Variants in MOB3B observed in about 807,000 individuals in gnomAD.
MOB3B encodes MOB kinase activator 3B.
A neutral mutation model predicts 18.7 loss-of-function variants in MOB3B; 7 were observed. That is an observed-to-expected ratio of 0.37 (90% CI 0.21 to 0.70). The LOEUF (loss-of-function observed/expected upper bound fraction) is 0.70. Among genes scored for constraint, MOB3B ranks in the 30% least tolerant of loss-of-function variants. The pLI, the probability that MOB3B is intolerant of heterozygous loss-of-function variation, is 0.52. For missense variants in MOB3B, 253 were observed against 281.3 expected (o/e 0.90, Z 0.72); for synonymous variants, 111 against 99.9 (o/e 1.11, Z -0.66).
In MOB3B at chr9:27,518,478, A is replaced by C. The variant is rs111898895; in HGVS notation, c.-199+11077T>G. On this transcript the variant is annotated intron_variant, in intron 1 of 3. Transcript: ENST00000262244. ...CAGGGAAATCAACACTGAAATGAGG[A>C]TATGGATGGAGGCTGTTCTGGTCAT... Among the ~76,000 whole-genome samples, 545 of 152,344 alleles carry C rather than the reference A, an allele frequency of 3.6e-3. 7 individuals are homozygous for C. The highest frequency in any genetic ancestry group is 0.013 in the African/African-American group (531 of 41,574).
intron 2 of MOB3B, among the ~76,000 whole-genome samples, chr9:27,454,475 A>G (rs1252831088): frequency 6.6e-6 from 1 of 152,242 alleles, no homozygotes. Context: ...AATGACCAGC[A>G]TCATGAAGAA....
At chr9:27,384,626 C>T (rs1231652590) in intron 2 of MOB3B, among the ~76,000 whole-genome samples, 2 of 152,210 alleles carry the variant, frequency 1.3e-5, no homozygotes, top group Non-Finnish European at 2.9e-5. Flanking sequence ...CATTCTTCCA[C>T]AGAAAACAGT....
chr9:27,434,370 C>T (rs1822462955), intron 2 of MOB3B, among the ~76,000 whole-genome samples: 2 of 152,132 alleles, frequency 1.3e-5, no homozygotes, highest in African/African-American at 4.8e-5. Flanking sequence ...TCTCCTCAAA[C>T]TCCTTTACCA....
At chr9:27,331,831 A>G (rs1174143662) in intron 3 of MOB3B, among the ~76,000 whole-genome samples, 1 of 152,184 alleles carries the variant, frequency 6.6e-6, no homozygotes, top group East Asian at 1.9e-4. Flanking sequence ...CATCGAGAAA[A>G]AGGAGACTGA....
chr9:27,341,936 A>G (rs1434850628), intron 3 of MOB3B, among the ~76,000 whole-genome samples: 1 of 152,214 alleles, frequency 6.6e-6, no homozygotes, highest in Non-Finnish European at 1.5e-5. Flanking sequence ...CTGTTTTTGT[A>G]TGGCCCATAA....
At chr9:27,388,785 T>C (rs1175101480) in intron 2 of MOB3B, among the ~76,000 whole-genome samples, 1 of 152,126 alleles carries the variant, frequency 6.6e-6, no homozygotes, top group Non-Finnish European at 1.5e-5. Flanking sequence ...GTACGTGCCT[T>C]GGCCATCTCC....
intron 2 of MOB3B, among the ~76,000 whole-genome samples, chr9:27,360,143 G>A (rs899058414): frequency 6.6e-6 from 1 of 152,188 alleles, no homozygotes; most frequent in African/African-American, 2.4e-5. Flanking sequence ...CTAGAACATA[G>A]TGAAAGCTTA....
chr9:27,395,275 T>G (rs1821782585), intron 2 of MOB3B, among the ~76,000 whole-genome samples: 1 of 152,220 alleles, frequency 6.6e-6, no homozygotes, highest in African/African-American at 2.4e-5. Context: ...TATTATGTAC[T>G]TGAAAAGTGT....
In MOB3B at chr9:27,514,424, T is replaced by C. The variant is rs147807355; in HGVS notation, c.-199+15131A>G. ...TCTGGAACTATTCCTCTAGAGGAGA[T>C]AGAGCAAATCAAACCTCTGACAATG... is the stretch of plus-strand genomic sequence containing the variant. On this transcript the variant is annotated intron_variant, in intron 1 of 3. Coordinates refer to ENST00000262244, the MANE Select transcript of MOB3B (RefSeq NM_024761.5). 8.8e-3 allele frequency among the ~76,000 whole-genome samples: 1,312 copies of C among 149,138 alleles called. 26 individuals are homozygous for C. Among genetic ancestry groups the C allele is most frequent in the African/African-American group, 0.031 (1,236 of 40,452 alleles).
intron 1 of MOB3B, among the ~76,000 whole-genome samples, chr9:27,521,888 T>C (rs991639088): frequency 1.3e-5 from 2 of 152,086 alleles, no homozygotes; most frequent in African/African-American, 4.8e-5. Flanking sequence ...CCATTTCAGA[T>C]GTATAATAAT....
At chr9:27,412,565 T>A (rs928713173) in intron 2 of MOB3B, among the ~76,000 whole-genome samples, 3 of 152,198 alleles carry the variant, frequency 2.0e-5, no homozygotes, top group African/African-American at 4.8e-5. Context: ...TCCCTCCCTC[T>A]CCCTTTTCTT....
intron 1 of MOB3B, among the ~76,000 whole-genome samples, chr9:27,492,017 C>A (rs2131487840): frequency 6.6e-6 from 1 of 152,310 alleles, no homozygotes; most frequent in South Asian, 2.1e-4. Context: ...CTTCGCTGCT[C>A]AAATTGAGAA....
At chr9:27,470,694 G>T (rs1819457607) in intron 1 of MOB3B, among the ~76,000 whole-genome samples, 1 of 152,142 alleles carries the variant, frequency 6.6e-6, no homozygotes, top group South Asian at 2.1e-4. Context: ...ATCAAAGCAG[G>T]CTTCAAACAC....
rs1489861524 is a variant in MOB3B, at chr9:27,326,480, C to CCAT, written c.*4106_*4107insATG. 7.5e-6 allele frequency: 3 copies of CCAT among 398,428 alleles called. No homozygotes were observed. The highest frequency in any genetic ancestry group is 4.4e-6 in the Non-Finnish European group (1 of 226,052). The allele number at this position is 398,428 out of a possible 1,614,324, so 24.7% of individuals were successfully genotyped here. A position where few individuals can be genotyped will look rare whatever the true frequency, so the allele number is the denominator to read the frequency against. ...CTGAAACTCAAAAAGAATACTTCAG[C>CCAT]TCGAGTTGAATGGAATTCAAGATGT... On this transcript the variant is annotated 3_prime_UTR_variant, in exon 4 of 4. Transcript: ENST00000262244.
chr9:27,346,791 TCAAGACCAGCCTGGCCAA>T (rs1264040654), intron 3 of MOB3B, among the ~76,000 whole-genome samples: 1 of 152,086 alleles, frequency 6.6e-6, no homozygotes, highest in African/African-American at 2.4e-5. Context: ...GGTCAGAAGT[TCAAGACCAGCCTGGCCAA>T]CATGGTGAAA....
chr9:27,456,332 AG>A (rs1822870459), intron 1 of MOB3B, among the ~76,000 whole-genome samples: 2 of 152,290 alleles, frequency 1.3e-5, no homozygotes, highest in African/African-American at 4.8e-5. Context: ...CAGTTGAGAA[AG>A]CTGGTCTGCA....
intron 3 of MOB3B, among the ~76,000 whole-genome samples, chr9:27,334,053 C>G (rs1301642866): frequency 6.6e-6 from 1 of 152,212 alleles, no homozygotes; most frequent in East Asian, 1.9e-4. Flanking sequence ...TCACTTTGCA[C>G]ACATTTGCAT....
At chr9:27,370,189 C>T (rs954820311) in intron 2 of MOB3B, among the ~76,000 whole-genome samples, 1 of 152,074 alleles carries the variant, frequency 6.6e-6, no homozygotes, top group African/African-American at 2.4e-5. Context: ...GGCAGACACC[C>T]CATGAATGGG....
At chr9:27,415,358 A>C (rs1822128928) in intron 2 of MOB3B, among the ~76,000 whole-genome samples, 1 of 152,184 alleles carries the variant, frequency 6.6e-6, no homozygotes, top group Non-Finnish European at 1.5e-5. Context: ...GATGGCTCTA[A>C]AGTTATATAA....
Sources: allele counts gnomAD v4.1 joint callset (sites outside exome capture counted in the v4.1 genomes callset), GRCh38; gene constraint gnomAD v4.1.1; transcripts MANE v1.5; gene names NCBI Gene and HGNC (gene_info 2026-07-23, HGNC 2026-07-21).